The following LCORL variants were observed in gnomAD, a reference collection of about 807,000 sequenced individuals.
LCORL encodes the protein ligand-dependent nuclear receptor corepressor-like protein.
Under a neutral mutation model 141.8 loss-of-function variants are expected in LCORL, and 41 were observed. The observed-to-expected ratio is 0.29, with a 90% CI of 0.23 to 0.38. The LOEUF (loss-of-function observed/expected upper bound fraction) is 0.38. Ranked by LOEUF, LCORL falls within the 10% of genes least tolerant of loss-of-function variation. The pLI is 1.00. For missense variants in LCORL, 1,759 were observed against 2,035.0 expected, an observed-to-expected ratio of 0.86 and a Z score of 2.61; for synonymous variants, 618 against 694.1, an observed-to-expected ratio of 0.89 and a Z score of 1.72.
chr4:17,876,729 A>G (rs1560278154), exon 7 of LCORL: 2 of 1,230,680 alleles, frequency 1.6e-6, no homozygotes, highest in Non-Finnish European at 2.0e-6. Context: ...AGTATTACCT[A>G]ACTTTGGATT....
intron 4 of LCORL, among the ~76,000 whole-genome samples, chr4:17,924,576 A>C (rs1007521795): frequency 2.0e-5 from 3 of 152,154 alleles, no homozygotes; most frequent in African/African-American, 4.8e-5. Flanking sequence ...TGGAATAGAC[A>C]CTTACTCCAG....
intron 1 of LCORL, among the ~76,000 whole-genome samples, chr4:18,016,163 C>G (rs1724594755): frequency 7.0e-6 from 1 of 142,930 alleles, no homozygotes; most frequent in Non-Finnish European, 1.5e-5. Context: ...TGCTAATAAC[C>G]TGTGTAAACC....
intron 4 of LCORL, among the ~76,000 whole-genome samples, chr4:17,935,275 C>T (rs1373221639): frequency 1.3e-5 from 2 of 151,948 alleles, no homozygotes; most frequent in Non-Finnish European, 2.9e-5. Flanking sequence ...AATATATTAA[C>T]CATTACTTGC....
intron 5 of LCORL, among the ~76,000 whole-genome samples, chr4:17,895,582 C>T (rs962060440): frequency 1.3e-5 from 2 of 152,116 alleles, no homozygotes; most frequent in African/African-American, 2.4e-5. Flanking sequence ...AGGTTGATCC[C>T]GTAATCTTGG....
intron 4 of LCORL, among the ~76,000 whole-genome samples, chr4:17,940,958 T>A (rs564251859): frequency 1.3e-5 from 2 of 152,332 alleles, no homozygotes; most frequent in Admixed American, 1.3e-4. Flanking sequence ...ATCCACTGTT[T>A]CACTTCTTGT....
At chr4:17,842,192 T>C (rs1722476328) in exon 8 of LCORL, 6 of 779,604 alleles carry the variant, frequency 7.7e-6, no homozygotes, top group South Asian at 1.7e-5. Flanking sequence ...AAGTAGGAGA[T>C]ACATGTGTTG....
rs1057287592 is a variant in LCORL, at chr4:17,916,643, C to CTT, written c.431-7300_431-7299dup. On this transcript the variant is annotated intron_variant, in intron 4 of 7. Transcript: ENST00000635767. ...ATGAAAGCATGAGCCAATTAAATGT[C>CTT]TTTTTTTTTTTTTTTTTTTTTTTTA... Among the ~76,000 whole-genome samples, 308 of 113,080 alleles carry CTT rather than the reference C, an allele frequency of 2.7e-3. 2 individuals carry two copies. The highest frequency in any genetic ancestry group is 6.1e-3 in the African/African-American group (183 of 29,968). 74.2% of individuals were successfully genotyped at this position (113,080 alleles called of 152,430 possible). A position where few individuals can be genotyped will look rare whatever the true frequency, so the allele number is the denominator to read the frequency against.
intron 4 of LCORL, among the ~76,000 whole-genome samples, chr4:17,954,394 T>C (rs7660642): frequency 0.25 from 37,842 of 151,920 alleles, 6,200 homozygotes; most frequent in African/African-American, 0.46. Context: ...AAGCAAAAAG[T>C]CAGTAAGTAT....
At chr4:17,866,859 A>G in intron 7 of LCORL, 2 of 339,298 alleles carry the variant, frequency 5.9e-6, no homozygotes, top group Non-Finnish European at 8.4e-6. Context: ...CTTAAGAAAT[A>G]AAGAAGGAAG....
In LCORL at chr4:17,851,953, T is replaced by C. The variant is rs146154266; in HGVS notation, c.5603-6052A>G. 2.5e-3 allele frequency among the ~76,000 whole-genome samples: 381 copies of C among 152,354 alleles called. 1 individual carries two copies. The highest frequency in any genetic ancestry group is 8.2e-3 in the African/African-American group (341 of 41,584). On this transcript the variant is annotated intron_variant, in intron 7 of 7. Coordinates refer to ENST00000635767, the Ensembl canonical transcript of LCORL. ...ATTTTAATGTTTTAGAAGCCATTTG[T>C]GTTCCCTTTTTATGTGTTCTTTGCC...
chr4:17,961,965 G>T, exon 4 of LCORL: 1 of 1,609,670 alleles, frequency 6.2e-7, no homozygotes, highest in Non-Finnish European at 8.5e-7. Flanking sequence ...ATCAGTGTTG[G>T]ACTGGCCCTG....
chr4:17,922,145 T>C (rs541237944), intron 4 of LCORL, among the ~76,000 whole-genome samples: 5 of 152,298 alleles, frequency 3.3e-5, no homozygotes, highest in East Asian at 1.9e-4. Flanking sequence ...CCCTTTCATA[T>C]ATACATCTAT....
chr4:17,894,097 C>T (rs1474558496), intron 5 of LCORL, among the ~76,000 whole-genome samples: 1 of 152,170 alleles, frequency 6.6e-6, no homozygotes, highest in Non-Finnish European at 1.5e-5. Flanking sequence ...CCACGCCTGG[C>T]CATGGTCTCT....
chr4:17,861,461 C>T (rs1194242944), intron 7 of LCORL, among the ~76,000 whole-genome samples: 2 of 152,158 alleles, frequency 1.3e-5, no homozygotes, highest in African/African-American at 4.8e-5. Context: ...GCACGGGGAC[C>T]CTGGGCCTGG....
At chr4:17,913,646 G>A (rs902773062) in intron 4 of LCORL, among the ~76,000 whole-genome samples, 11 of 152,164 alleles carry the variant, frequency 7.2e-5, no homozygotes, top group Admixed American at 2.6e-4. Context: ...CAGGGTGTCC[G>A]CCACAACAAT....
At chr4:17,952,447 G>A in intron 4 of LCORL, among the ~76,000 whole-genome samples, 1 of 118,554 alleles carries the variant, frequency 8.4e-6, no homozygotes, top group South Asian at 2.6e-4. Context: ...ATGGGGACTT[G>A]TTCTGTCGCC....
chr4:17,867,008 A>G, intron 7 of LCORL: 3 of 984,972 alleles, frequency 3.0e-6, no homozygotes, highest in Non-Finnish European at 3.6e-6. Flanking sequence ...CCTCAGATAG[A>G]GAAAGCAGGT....
At chr4:17,883,643 TACAC>T (rs958172814) in intron 6 of LCORL, 6 of 1,439,184 alleles carry the variant, frequency 4.2e-6, no homozygotes, top group African/African-American at 1.5e-5. Flanking sequence ...GACACACAAA[TACAC>T]ACCTGTGCAC....
chr4:17,954,750 G>C (rs138722482), intron 4 of LCORL, among the ~76,000 whole-genome samples: 1 of 152,122 alleles, frequency 6.6e-6, no homozygotes, highest in African/African-American at 2.4e-5. Context: ...GTTGCATGTG[G>C]GCTGTAAAAG....
Sources: gnomAD v4.1 joint callset for allele counts (sites outside exome capture counted in the v4.1 genomes callset) on GRCh38, gnomAD v4.1.1 for gene constraint, MANE v1.5 for transcripts, NCBI Gene and HGNC (gene_info 2026-07-23, HGNC 2026-07-21) for gene names.